The following FNDC3B variants were observed in gnomAD, a reference collection of about 807,000 sequenced individuals.
FNDC3B encodes the protein fibronectin type III domain-containing protein 3B.
Under a neutral mutation model 151.5 loss-of-function variants are expected in FNDC3B, and 12 were observed. The observed-to-expected ratio is 0.08, with a 90% confidence interval of 0.05 to 0.13. The LOEUF is 0.13. Ranked by LOEUF, FNDC3B falls within the 10% of genes least tolerant of loss-of-function variation. The pLI is 1.00. For missense variants in FNDC3B, 1,214 were observed against 1,505.3 expected (o/e 0.81, Z 3.20); for synonymous variants, 528 against 549.0 (o/e 0.96, Z 0.54).
intron 3 of FNDC3B, among the ~76,000 whole-genome samples, chr3:172,177,041 T>C (rs188098641): frequency 6.6e-6 from 1 of 152,310 alleles, no homozygotes; most frequent in East Asian, 1.9e-4. Context: ...GTTGAGACAT[T>C]ACCTGGGGAG....
At chr3:172,196,223 T>C (rs1724821447) in intron 3 of FNDC3B, among the ~76,000 whole-genome samples, 1 of 152,258 alleles carries the variant, frequency 6.6e-6, no homozygotes, top group South Asian at 2.1e-4. Flanking sequence ...TGTCTTGCTC[T>C]GTTGCCCAGG....
intron 1 of FNDC3B, among the ~76,000 whole-genome samples, chr3:172,080,369 C>T (rs1041770892): frequency 6.6e-6 from 1 of 152,090 alleles, no homozygotes; most frequent in African/African-American, 2.4e-5. Context: ...CTCCTGGGCT[C>T]AAGTGATCCT....
At chr3:172,274,088 A>G (rs1426066322) in intron 6 of FNDC3B, among the ~76,000 whole-genome samples, 1 of 152,058 alleles carries the variant, frequency 6.6e-6, no homozygotes, top group African/African-American at 2.4e-5. Flanking sequence ...CGTGCGGGAG[A>G]AGAGGACATA....
intron 2 of FNDC3B, among the ~76,000 whole-genome samples, chr3:172,126,047 G>A (rs1044652291): frequency 1.3e-5 from 2 of 152,084 alleles, no homozygotes; most frequent in Non-Finnish European, 2.9e-5. Context: ...TGGAGGCCTT[G>A]GGAAATAAAT....
chr3:172,340,200 T>C (rs1461458131), intron 16 of FNDC3B, among the ~76,000 whole-genome samples: 1 of 152,138 alleles, frequency 6.6e-6, no homozygotes, highest in Non-Finnish European at 1.5e-5. Context: ...GGTGACCGTT[T>C]CTCTCTTCAG....
intron 2 of FNDC3B, among the ~76,000 whole-genome samples, chr3:172,130,097 G>A (rs973586867): frequency 6.6e-6 from 1 of 152,136 alleles, no homozygotes; most frequent in African/African-American, 2.4e-5. Flanking sequence ...TCGGGGCTGC[G>A]TGATGCAAGA....
At chr3:172,282,504 CTTTG>C (rs1403524259) in intron 6 of FNDC3B, among the ~76,000 whole-genome samples, 1 of 152,128 alleles carries the variant, frequency 6.6e-6, no homozygotes, top group Non-Finnish European at 1.5e-5. Flanking sequence ...TCTCAGAATC[CTTTG>C]TTTATTTGGC....
intron 1 of FNDC3B, among the ~76,000 whole-genome samples, chr3:172,046,467 G>A (rs566320630): frequency 3.3e-5 from 5 of 151,808 alleles, no homozygotes; most frequent in South Asian, 2.1e-4. Flanking sequence ...ATAGGTTCAC[G>A]CCACCATGCC....
intron 3 of FNDC3B, 52 bp downstream of exon 3, chr3:172,133,598 A>C: frequency 2.4e-6 from 3 of 1,276,294 alleles, no homozygotes; most frequent in Non-Finnish European, 3.4e-6. Flanking sequence ...TCTTTATTTG[A>C]AGGAAGTAAT....
chr3:172,286,001 T>A lies in FNDC3B; in HGVS notation c.849+17T>A. On this transcript the variant is annotated intron_variant, in intron 7 of 25. Coordinates refer to ENST00000415807, the MANE Select transcript of FNDC3B (RefSeq NM_022763.4). ...AAACCACAGGTATGTCTTCTGGATT[T>A]CTCAGCATAAATGACACTTTTTAAA... The A allele has an allele frequency of 6.3e-7, 1 of 1,591,800 alleles. No homozygotes were observed. The highest frequency in any genetic ancestry group is 8.6e-7 in the Non-Finnish European group (1 of 1,163,684).
chr3:172,323,302 A>G (rs980049435), intron 11 of FNDC3B, among the ~76,000 whole-genome samples: 1 of 152,140 alleles, frequency 6.6e-6, no homozygotes, highest in Non-Finnish European at 1.5e-5. Context: ...AGGTGGAAGG[A>G]TAGCTTGAGG....
intron 3 of FNDC3B, among the ~76,000 whole-genome samples, chr3:172,219,767 C>G (rs1726174296): frequency 1.3e-5 from 2 of 152,218 alleles, no homozygotes; most frequent in Non-Finnish European, 2.9e-5. Context: ...CAAGCTTTAT[C>G]AGCATTGTAG....
At chr3:172,080,941 C>T (rs140096819) in intron 1 of FNDC3B, among the ~76,000 whole-genome samples, 9 of 152,260 alleles carry the variant, frequency 5.9e-5, no homozygotes, top group Admixed American at 3.9e-4. Flanking sequence ...CAGCTGCTTA[C>T]GTTGTTTCCC....
At chr3:172,166,993 T>C (rs1269469027) in intron 3 of FNDC3B, among the ~76,000 whole-genome samples, 1 of 152,228 alleles carries the variant, frequency 6.6e-6, no homozygotes, top group Admixed American at 6.5e-5. Context: ...CCGTTTACAT[T>C]GTCTCATTTA....
At chr3:172,392,768 A>G (rs1284897987) in intron 25 of FNDC3B, among the ~76,000 whole-genome samples, 1 of 151,550 alleles carries the variant, frequency 6.6e-6, no homozygotes, top group Non-Finnish European at 1.5e-5. Flanking sequence ...ATTTGCCAAT[A>G]AAAAGACAAA....
At chr3:172,083,080 ATAAG>A (rs1718365040) in intron 1 of FNDC3B, among the ~76,000 whole-genome samples, 2 of 152,206 alleles carry the variant, frequency 1.3e-5, no homozygotes, top group Admixed American at 1.3e-4. Flanking sequence ...CTCAGAATAA[ATAAG>A]TGATTATTTA....
At chr3:172,325,187 G>A (rs1181539733) in intron 11 of FNDC3B, among the ~76,000 whole-genome samples, 2 of 152,354 alleles carry the variant, frequency 1.3e-5, no homozygotes, top group African/African-American at 4.8e-5. Context: ...CCATATTTTA[G>A]TAGGGAACTT....
intron 11 of FNDC3B, among the ~76,000 whole-genome samples, chr3:172,311,111 C>G (rs925052284): frequency 2.0e-5 from 3 of 152,032 alleles, no homozygotes; most frequent in African/African-American, 7.2e-5. Context: ...AGCACTACTG[C>G]TGAAAGAAAA....
At chr3:172,224,107 C>G (rs1726428905) in intron 3 of FNDC3B, among the ~76,000 whole-genome samples, 1 of 152,198 alleles carries the variant, frequency 6.6e-6, no homozygotes, top group Admixed American at 6.5e-5. Context: ...TGTACATCAG[C>G]CCTTGAATTT....
Sources: gnomAD v4.1 joint callset for allele counts (sites outside exome capture counted in the v4.1 genomes callset) on GRCh38, gnomAD v4.1.1 for gene constraint, MANE v1.5 for transcripts, NCBI Gene and HGNC (gene_info 2026-07-23, HGNC 2026-07-21) for gene names.